Variants in NEK3 observed in about 807,000 individuals in gnomAD.
NEK3 encodes the protein serine/threonine-protein kinase Nek3.
In NEK3, 54 loss-of-function variants were observed where a neutral mutation model predicts 66.0. The observed-to-expected ratio is 0.82, with a 90% CI of 0.66 to 1.03. The LOEUF is 1.03. Among genes scored for constraint, NEK3 ranks in the 50% least tolerant of loss-of-function variants. The pLI, the probability that NEK3 is intolerant of heterozygous loss-of-function variation, is 0.00. For synonymous variants in NEK3, 200 were observed against 206.2 expected, an observed-to-expected ratio of 0.97 and a Z score of 0.26; for missense variants, 593 against 603.0, an observed-to-expected ratio of 0.98 and a Z score of 0.17.
intron 5 of NEK3, among the ~76,000 whole-genome samples, chr13:52,152,074 CCT>C (rs754478705): frequency 9.9e-5 from 15 of 152,140 alleles, no homozygotes; most frequent in Non-Finnish European, 8.8e-5. Flanking sequence ...TACTTATCCC[CCT>C]GTCGTTAAGC....
Position 52,144,788 on chromosome 13 carries a change from T to G in NEK3, c.707A>C (p.Gln236Pro). The G allele has an allele frequency of 6.2e-7, 1 of 1,613,732 alleles. No individual in the cohort carries two copies. Among genetic ancestry groups the G allele is most frequent in the Non-Finnish European group, 8.5e-7 (1 of 1,179,756 alleles). The change falls in exon 9 of 16, where the codon CAG becomes CCG. Residue 236 changes from glutamine to proline, a missense_variant. Coordinates refer to ENST00000610828, the MANE Select transcript of NEK3 (RefSeq NM_002498.3). ...ATGTGAGGGATTCCTTTTAAACATC[T>G]GCTTGACTAGGAACTGAAGTTCATA... ...YSYELQFLVK[Q>P]MFKRNPSHRP...
intron 15 of NEK3, 93 bp from the exon 16 acceptor site, chr13:52,133,319 A>G: frequency 1.9e-6 from 2 of 1,044,914 alleles, no homozygotes; most frequent in Non-Finnish European, 2.8e-6. Context: ...AACAATACTT[A>G]AGCTTTTGAA....
intron 10 of NEK3, 113 bp downstream of exon 10, chr13:52,143,802 G>C: frequency 4.7e-6 from 3 of 637,968 alleles, no homozygotes; most frequent in Non-Finnish European, 8.2e-6. Flanking sequence ...AGGTTCATTT[G>C]AGGAGTATCT....
rs1956177387 is a variant in NEK3, at chr13:52,133,719, C to A, written c.1406G>T (p.Arg469Leu). The change falls in exon 15 of 16, where the codon CGA (arginine) becomes CTA (leucine). Residue 469 changes from arginine (R) to leucine (L), a missense_variant. By Grantham distance (102) the Arg-to-Leu change is moderately radical. Transcript: ENST00000610828. Reference sequence around the variant, plus strand: ...CTCCTCATCTAGCCCAGGCTCAAGTCGCTCTGGATCCAAAATGACAGAATC... The same window carrying A: ...CTCCTCATCTAGCCCAGGCTCAAGTAGCTCTGGATCCAAAATGACAGAATC... Reference protein sequence around the residue: ...GHDSVILDPERLEPGLDEEDT... With the variant: ...GHDSVILDPELLEPGLDEEDT... 6.4e-7 allele frequency: 1 copy of A among 1,560,370 alleles called. No individual in the cohort carries two copies. Among genetic ancestry groups the A allele is most frequent in the African/African-American group, 1.4e-5 (1 of 73,534 alleles).
Position 52,136,799 on chromosome 13 carries a change from C to A in NEK3, c.1030+1G>T, listed in dbSNP as rs757344288. On this transcript the variant is annotated splice_donor_variant, in intron 12 of 15. Coordinates refer to ENST00000610828, the MANE Select transcript of NEK3 (RefSeq NM_002498.3). LOFTEE classifies it high-confidence loss of function. ...AAATGATTAGAATTTGAATAACTTACCTTTTTCTTCTCTGTTTACTCTTCT... is the reference window on the plus strand; with the variant it reads ...AAATGATTAGAATTTGAATAACTTAACTTTTTCTTCTCTGTTTACTCTTCT... 15 of 1,540,730 alleles carry A rather than the reference C, an allele frequency of 9.7e-6. No individual in the cohort carries two copies. Among genetic ancestry groups the A allele is most frequent in the Non-Finnish European group, 1.1e-5 (13 of 1,138,492 alleles).
chr13:52,145,250 G>A (rs1157056218), intron 8 of NEK3, among the ~76,000 whole-genome samples: 1 of 152,128 alleles, frequency 6.6e-6, no homozygotes, highest in Non-Finnish European at 1.5e-5. Context: ...TATAATAAGT[G>A]TAATATCCCT....
intron 14 of NEK3, among the ~76,000 whole-genome samples, chr13:52,134,295 G>T (rs1244115612): frequency 6.6e-6 from 1 of 151,904 alleles, no homozygotes; most frequent in Admixed American, 6.6e-5. Flanking sequence ...AGAGTGCTGG[G>T]ATTACAGGCG....
Position 52,154,285 on chromosome 13 carries a change from A to G in NEK3, c.118-112T>C, listed in dbSNP as rs1956373185. ...AATGCTAGATGCAGTTTTATAACAC[A>G]CTGTGGCTCAACTTAAGTTTGTCAA... On this transcript the variant is annotated intron_variant, in intron 2 of 15. Transcript: ENST00000610828. 1.8e-5 allele frequency: 12 copies of G among 653,454 alleles called. No homozygotes were observed. The South Asian group carries it at 3.1e-4, about 17-fold the overall frequency. The allele number at this position is 653,454 out of a possible 1,614,324, so 40.5% of individuals were successfully genotyped here.
intron 14 of NEK3, among the ~76,000 whole-genome samples, chr13:52,135,312 T>C (rs1427767198): frequency 6.6e-6 from 1 of 152,140 alleles, no homozygotes; most frequent in East Asian, 1.9e-4. Flanking sequence ...GCTAAAGCAA[T>C]GGCATATTTG....
In NEK3 at chr13:52,156,038, T is replaced by C. The variant is rs1288217840; in HGVS notation, c.117+37A>G. The stretch of plus-strand genomic sequence containing the variant: ...CTTATTCTTTTATATAAACTGCATG[T>C]ATACTTTCAAAGTGAGCTAATTTCT... On this transcript the variant is annotated intron_variant, in intron 2 of 15. Coordinates refer to ENST00000610828, the MANE Select transcript of NEK3 (RefSeq NM_002498.3). 6.7e-6 allele frequency: 9 copies of C among 1,346,392 alleles called. No individual in the cohort carries two copies. The East Asian group carries it at 2.2e-4, about 33-fold the overall frequency. The allele number at this position is 1,346,392 out of a possible 1,614,324, so 83.4% of individuals were successfully genotyped here. A position where few individuals can be genotyped will look rare whatever the true frequency, so the allele number is the denominator to read the frequency against.
chr13:52,158,953 C>G (rs1202120130), intron 1 of NEK3, among the ~76,000 whole-genome samples: 1 of 152,140 alleles, frequency 6.6e-6, no homozygotes, highest in Non-Finnish European at 1.5e-5. Flanking sequence ...TTCGTGTAAA[C>G]TTCAAGACAA....
At position 52,141,041 on chromosome 13, in the gene NEK3, C is replaced by G; in HGVS notation, c.906G>C (p.Leu302Phe). 1 of 1,600,278 alleles carries G rather than the reference C, an allele frequency of 6.2e-7. No individual in the cohort carries two copies. The highest frequency in any genetic ancestry group is 1.7e-5 in the Admixed American group (1 of 57,956). The change falls in exon 11 of 16, where the codon TTG becomes TTC. Residue 302 changes from leucine to phenylalanine, a missense_variant. Coordinates refer to ENST00000610828, the MANE Select transcript of NEK3 (RefSeq NM_002498.3). ...KTNPSRIRIA[L>F]GNEASTVQEE... ...TTACCACTGTGCTTGCTTCATTTCC[C>G]AAAGCTATCCTGATTCTGCTGGGGT... is the stretch of plus-strand genomic sequence containing the variant.
chr13:52,136,790 A>T lies in NEK3; in HGVS notation c.1030+10T>A. The T allele has an allele frequency of 2.0e-6, 3 of 1,525,674 alleles. No individual in the cohort carries two copies. Among genetic ancestry groups the T allele is most frequent in the Non-Finnish European group, 1.8e-6 (2 of 1,126,302 alleles). The allele number at this position is 1,525,674 out of a possible 1,614,324, so 94.5% of individuals were successfully genotyped here. On this transcript the variant is annotated intron_variant, in intron 12 of 15. Coordinates refer to ENST00000610828, the MANE Select transcript of NEK3 (RefSeq NM_002498.3). Reference sequence around the variant, plus strand: ...TCACCTAAGAAATGATTAGAATTTGAATAACTTACCTTTTTCTTCTCTGTT... The same window carrying T: ...TCACCTAAGAAATGATTAGAATTTGTATAACTTACCTTTTTCTTCTCTGTT...
At chr13:52,137,520 G>A (rs974468514) in intron 11 of NEK3, among the ~76,000 whole-genome samples, 3 of 152,184 alleles carry the variant, frequency 2.0e-5, no homozygotes. Context: ...AGGCTTGGGT[G>A]GCATGGCGGG....
chr13:52,138,218 C>T (rs758696722), intron 11 of NEK3, among the ~76,000 whole-genome samples: 37 of 152,102 alleles, frequency 2.4e-4, no homozygotes, highest in Admixed American at 1.5e-3. Context: ...GATGGGGTCT[C>T]ATTGTGTTGC....
chr13:52,136,721 A>G, intron 12 of NEK3, 79 bp downstream of exon 12: 1 of 761,980 alleles, frequency 1.3e-6, no homozygotes, highest in Non-Finnish European at 2.1e-6. Flanking sequence ...CTTGTTTATG[A>G]TATCTGAGAC....
At chr13:52,147,688 G>A (rs1737740877) in intron 8 of NEK3, among the ~76,000 whole-genome samples, 1 of 152,056 alleles carries the variant, frequency 6.6e-6, no homozygotes, top group Non-Finnish European at 1.5e-5. Context: ...AGAGATAGTA[G>A]TGGCCGGGCA....
intron 11 of NEK3, among the ~76,000 whole-genome samples, chr13:52,140,764 T>C (rs1956242218): frequency 6.6e-6 from 1 of 152,030 alleles, no homozygotes; most frequent in South Asian, 2.1e-4. Context: ...CTTCCAAATA[T>C]CTTATGGCAC....
rs73500184 is a variant in NEK3 at position 52,145,590 on chromosome 13, C to T, written c.604-699G>A. ...GGCTTCCCAAAGTGCTGAGATTACA[C>T]GCATGAGGCACTGCACCTGGCCAGA... On this transcript the variant is annotated intron_variant, in intron 8 of 15. Coordinates refer to ENST00000610828, the MANE Select transcript of NEK3 (RefSeq NM_002498.3). Among the ~76,000 whole-genome samples the T allele has an allele frequency of 6.6e-3, 1,010 of 152,200 alleles. 8 individuals carry two copies. The highest frequency in any genetic ancestry group is 0.022 in the African/African-American group (927 of 41,510).
Sources: gnomAD v4.1 joint callset for allele counts (sites outside exome capture counted in the v4.1 genomes callset) on GRCh38, gnomAD v4.1.1 for gene constraint, MANE v1.5 for transcripts, NCBI Gene and HGNC (gene_info 2026-07-23, HGNC 2026-07-21) for gene names.